SKAP2: variants seen among roughly 807,000 people sequenced by gnomAD.
SKAP2 encodes src kinase-associated phosphoprotein 2.
In SKAP2, 28 loss-of-function variants were observed where a neutral mutation model predicts 54.9. That is an observed-to-expected ratio of 0.51 (90% CI 0.38 to 0.70). SKAP2 has a LOEUF of 0.70. Ranked by LOEUF, SKAP2 falls within the 30% of genes least tolerant of loss-of-function variation. The pLI, the probability that SKAP2 is intolerant of heterozygous loss-of-function variation, is 0.00. For synonymous variants in SKAP2, 137 were observed against 134.3 expected (o/e 1.02, Z -0.14); for missense variants, 356 against 424.1 (o/e 0.84, Z 1.41).
At chr7:26,793,946 A>G (rs565882955) in intron 4 of SKAP2, among the ~76,000 whole-genome samples, 203 of 152,344 alleles carry the variant, frequency 1.3e-3, no homozygotes, top group African/African-American at 4.6e-3. Flanking sequence ...ATTAAAGCCC[A>G]AAAGAAATCA....
intron 4 of SKAP2, among the ~76,000 whole-genome samples, chr7:26,796,546 A>C (rs746700593): frequency 6.6e-6 from 1 of 152,266 alleles, no homozygotes; most frequent in Non-Finnish European, 1.5e-5. Flanking sequence ...TCATGACATT[A>C]CAAGGAAAAG....
intron 9 of SKAP2, among the ~76,000 whole-genome samples, chr7:26,715,316 T>C (rs1787404901): frequency 6.7e-6 from 1 of 148,340 alleles, no homozygotes; most frequent in African/African-American, 2.6e-5. Context: ...TTTCTAGTGA[T>C]TCTATTTGGT....
intron 9 of SKAP2, among the ~76,000 whole-genome samples, chr7:26,702,330 C>T (rs1264120297): frequency 6.6e-6 from 1 of 152,002 alleles, no homozygotes; most frequent in African/African-American, 2.4e-5. Flanking sequence ...TTTGTAGAGA[C>T]AGGGTTTTGC....
intron 6 of SKAP2, among the ~76,000 whole-genome samples, chr7:26,733,522 A>G (rs1787863028): frequency 6.6e-6 from 1 of 152,112 alleles, no homozygotes; most frequent in Non-Finnish European, 1.5e-5. Context: ...AACATATTCA[A>G]AACAATATTA....
At chr7:26,775,158 C>A (rs1166720754) in intron 4 of SKAP2, among the ~76,000 whole-genome samples, 1 of 152,124 alleles carries the variant, frequency 6.6e-6, no homozygotes, top group Non-Finnish European at 1.5e-5. Context: ...CATATTCACA[C>A]CCAACCTTAT....
intron 11 of SKAP2, among the ~76,000 whole-genome samples, chr7:26,679,869 C>T (rs1299843444): frequency 6.6e-6 from 1 of 152,146 alleles, no homozygotes; most frequent in Non-Finnish European, 1.5e-5. Flanking sequence ...AAAAAGTCAA[C>T]CAAACAGATA....
At chr7:26,728,564 A>C (rs934964205) in intron 6 of SKAP2, among the ~76,000 whole-genome samples, 46 of 152,122 alleles carry the variant, frequency 3.0e-4, no homozygotes, top group Non-Finnish European at 2.9e-4. Context: ...TAAATTCTCA[A>C]AAAAAGACTA....
intron 4 of SKAP2, among the ~76,000 whole-genome samples, chr7:26,784,142 A>C (rs1195695269): frequency 6.6e-6 from 1 of 151,346 alleles, no homozygotes; most frequent in Admixed American, 6.6e-5. Context: ...AAAAAAAATT[A>C]TGTAAACGAG....
chr7:26,701,591 G>C (rs931610674), intron 9 of SKAP2, among the ~76,000 whole-genome samples: 1 of 152,068 alleles, frequency 6.6e-6, no homozygotes, highest in Non-Finnish European at 1.5e-5. Flanking sequence ...AAATTAGCCA[G>C]GTGTGGTGGT....
chr7:26,791,395 T>A (rs1271873871), intron 4 of SKAP2, among the ~76,000 whole-genome samples: 1 of 152,074 alleles, frequency 6.6e-6, no homozygotes, highest in East Asian at 1.9e-4. Context: ...AGGCTGGTCT[T>A]GTACTCCTGG....
At chr7:26,864,326 G>A in intron 1 of SKAP2, 37 bp downstream of exon 1, 1 of 1,612,706 alleles carries the variant, frequency 6.2e-7, no homozygotes, top group Non-Finnish European at 8.5e-7. Flanking sequence ...CCTCGCCCCC[G>A]CCCCGACAGC....
chr7:26,772,892 C>T (rs1255197346), intron 4 of SKAP2, among the ~76,000 whole-genome samples: 1 of 152,162 alleles, frequency 6.6e-6, no homozygotes, highest in African/African-American at 2.4e-5. Context: ...AAACTTTTAG[C>T]ACTAATGGGA....
intron 9 of SKAP2, among the ~76,000 whole-genome samples, chr7:26,715,821 A>G: frequency 6.6e-6 from 1 of 152,162 alleles, no homozygotes; most frequent in East Asian, 1.9e-4. Context: ...ACAATGCTAC[A>G]AGTTGTTATT....
chr7:26,767,561 G>C (rs117190176), intron 4 of SKAP2, among the ~76,000 whole-genome samples: 3 of 151,962 alleles, frequency 2.0e-5, no homozygotes, highest in Non-Finnish European at 2.9e-5. Flanking sequence ...TTAGGTTGTC[G>C]ATTTTAGATC....
In SKAP2 at chr7:26,726,818, G is replaced by A. The variant is rs530143323; in HGVS notation, c.594+64C>T. 3.2e-4 allele frequency: 415 copies of A among 1,308,614 alleles called. 1 individual carries two copies. The highest frequency in any genetic ancestry group is 4.1e-4 in the Non-Finnish European group (392 of 950,040). 81.1% of individuals were successfully genotyped at this position (1,308,614 alleles called of 1,614,324 possible). On this transcript the variant is annotated intron_variant, in intron 7 of 12. Coordinates refer to ENST00000345317, the MANE Select transcript of SKAP2 (RefSeq NM_003930.5). Reference sequence around the variant, plus strand: ...AGGAAAGTATTAATCAAATGTTAATGTCTCTATAAATGAAATCAAAACATT... The same window carrying A: ...AGGAAAGTATTAATCAAATGTTAATATCTCTATAAATGAAATCAAAACATT...
chr7:26,720,671 C>T (rs1306536091), intron 9 of SKAP2, among the ~76,000 whole-genome samples: 2 of 152,154 alleles, frequency 1.3e-5, no homozygotes, highest in Non-Finnish European at 2.9e-5. Flanking sequence ...AACTTACAAT[C>T]ATGGCGGAAG....
chr7:26,805,325 T>TAA (rs1784003615), intron 4 of SKAP2, among the ~76,000 whole-genome samples: 1 of 152,266 alleles, frequency 6.6e-6, no homozygotes, highest in South Asian at 2.1e-4. Flanking sequence ...GATTACTTTC[T>TAA]TCATTATTCT....
At chr7:26,681,420 GGCA>G (rs1342088046) in intron 11 of SKAP2, among the ~76,000 whole-genome samples, 2 of 152,032 alleles carry the variant, frequency 1.3e-5, no homozygotes, top group African/African-American at 4.8e-5. Flanking sequence ...CTCCAGCCTG[GGCA>G]ACAGAGTGAG....
chr7:26,692,233 A>C (rs1786801608), intron 9 of SKAP2, among the ~76,000 whole-genome samples: 2 of 152,158 alleles, frequency 1.3e-5, no homozygotes, highest in East Asian at 3.8e-4. Context: ...TAAGGTTTTG[A>C]GCTTAGTTAA....
Sources: gnomAD v4.1 joint callset for allele counts (sites outside exome capture counted in the v4.1 genomes callset) on GRCh38, gnomAD v4.1.1 for gene constraint, MANE v1.5 for transcripts, NCBI Gene and HGNC (gene_info 2026-07-23, HGNC 2026-07-21) for gene names.